Variants in IL12RB2 observed in about 807,000 individuals in gnomAD.
IL12RB2 encodes interleukin-12 receptor subunit beta-2.
A neutral mutation model predicts 89.4 loss-of-function variants in IL12RB2; 82 were observed. That is an observed-to-expected ratio of 0.92 (90% CI 0.77 to 1.10). The LOEUF (loss-of-function observed/expected upper bound fraction) is 1.10, where lower values mean the gene tolerates loss of function less well. Ranked by LOEUF, IL12RB2 falls within the 50% of genes least tolerant of loss-of-function variation. The pLI, the probability that IL12RB2 is intolerant of heterozygous loss-of-function variation, is 0.00. For synonymous variants in IL12RB2, 368 were observed against 370.1 expected (o/e 0.99, Z 0.07); for missense variants, 963 against 1,031.9 (o/e 0.93, Z 0.92).
Position 67,372,459 on chromosome 1 carries a change from T to C in IL12RB2, c.1483T>C (p.Tyr495His). Residue 495 changes from tyrosine to histidine, a missense_variant, in exon 12 of 17, where the codon TAT becomes CAT. Physicochemically the swap from Tyr to His is moderately conservative, Grantham distance 83 (BLOSUM62 2). Coordinates refer to ENST00000674203, the MANE Select transcript of IL12RB2 (RefSeq NM_001374259.2). ...AGAGAACATAAAATCCTACATCTGTTATGAAATCCGTGTGTATGCACTCTC... is the reference window on the plus strand; with the variant it reads ...AGAGAACATAAAATCCTACATCTGTCATGAAATCCGTGTGTATGCACTCTC... ...ISENIKSYIC[Y>H]EIRVYALSGD... 1 of 1,587,850 alleles carries C rather than the reference T, an allele frequency of 6.3e-7. No homozygotes were observed. Among genetic ancestry groups the C allele is most frequent in the Non-Finnish European group, 8.7e-7 (1 of 1,155,956 alleles).
intron 15 of IL12RB2, among the ~76,000 whole-genome samples, chr1:67,388,520 AT>A (rs1665470672): frequency 2.0e-5 from 3 of 151,996 alleles, no homozygotes. Context: ...TACTTTTTGT[AT>A]TTTTGGTAGA....
chr1:67,380,360 C>A (rs1049723225), intron 14 of IL12RB2, among the ~76,000 whole-genome samples: 1 of 152,206 alleles, frequency 6.6e-6, no homozygotes. Flanking sequence ...CTTCAGGAAG[C>A]CTTCCCAAAT....
In IL12RB2 at chr1:67,307,966, T is replaced by C. The variant is rs11209046; in HGVS notation, c.-126T>C. On this transcript the variant is annotated splice_region_variant and 5_prime_UTR_variant, in exon 1 of 17. Coordinates refer to ENST00000674203, the MANE Select transcript of IL12RB2 (RefSeq NM_001374259.2). ...ACCGCGCCCGCTGGCAGGCGACACG[T>C]GGTGAGTGACCAGTGACTCGGGGTC... The C allele has an allele frequency of 0.41, 62,096 of 151,776 alleles. 13,276 individuals carry two copies. The highest frequency in any genetic ancestry group is 0.52 in the African/African-American group (21,534 of 41,396). The allele number at this position is 151,776 out of a possible 1,614,324, so 9.4% of individuals were successfully genotyped here.
chr1:67,391,444 T>C (rs1055324059), intron 16 of IL12RB2, among the ~76,000 whole-genome samples: 1 of 147,688 alleles, frequency 6.8e-6, no homozygotes, highest in Admixed American at 6.8e-5. Context: ...ACTGCTGTTA[T>C]TACTATTTTA....
At chr1:67,358,671 AAGAG>A (rs200534143) in intron 10 of IL12RB2, among the ~76,000 whole-genome samples, 6 of 151,612 alleles carry the variant, frequency 4.0e-5, no homozygotes, top group East Asian at 1.9e-4. Flanking sequence ...GTAAGGATAA[AAGAG>A]AGAGAGAGAG....
At position 67,372,617 on chromosome 1, in the gene IL12RB2, C is replaced by G; in HGVS notation, c.1559-8C>G. On this transcript the variant is annotated splice_region_variant and splice_polypyrimidine_tract_variant and intron_variant, in intron 12 of 16. Coordinates refer to ENST00000674203, the MANE Select transcript of IL12RB2 (RefSeq NM_001374259.2). ...GGTGACAGAAGCCTCCTGTGCCCTA[C>G]TTTACAGCACCACTGAGTGGCCCCC... is the stretch of plus-strand genomic sequence containing the variant. The G allele has an allele frequency of 6.2e-7, 1 of 1,613,502 alleles. No individual in the cohort carries two copies. Among genetic ancestry groups the G allele is most frequent in the Non-Finnish European group, 8.5e-7 (1 of 1,179,466 alleles).
At chr1:67,319,088 G>T (rs1008395725) in intron 2 of IL12RB2, among the ~76,000 whole-genome samples, 6 of 152,224 alleles carry the variant, frequency 3.9e-5, no homozygotes, top group Admixed American at 1.3e-4. Context: ...AGCACTTAGT[G>T]TGCCTAGCAC....
At chr1:67,334,871 G>T (rs12139687) in intron 8 of IL12RB2, among the ~76,000 whole-genome samples, 71,733 of 152,154 alleles carry the variant, frequency 0.47, 19,801 homozygotes, top group Non-Finnish European at 0.6. Flanking sequence ...TGGCCCATGG[G>T]CCGTAGTTTG....
intron 8 of IL12RB2, 49 bp downstream of exon 8, chr1:67,330,859 G>C: frequency 1.0e-6 from 1 of 981,624 alleles, no homozygotes; most frequent in Non-Finnish European, 1.7e-6. Flanking sequence ...AAAGGGGAGA[G>C]AGGGGGGAAG....
intron 11 of IL12RB2, among the ~76,000 whole-genome samples, chr1:67,369,852 T>C (rs987823392): frequency 6.6e-6 from 1 of 151,924 alleles, no homozygotes; most frequent in African/African-American, 2.4e-5. Flanking sequence ...TGAAACCCCA[T>C]CCCTACTAAA....
At chr1:67,341,569 AAGAAAGAAAGAAAGAAAAG>A (rs1463842639) in intron 9 of IL12RB2, among the ~76,000 whole-genome samples, 1 of 142,270 alleles carries the variant, frequency 7.0e-6, no homozygotes, top group African/African-American at 2.6e-5. Flanking sequence ...GAAAGAAAGA[AAGAAAGAAAGAAAGAAAAG>A]AAAGGAAGGA....
intron 8 of IL12RB2, among the ~76,000 whole-genome samples, chr1:67,332,856 C>T (rs1048515049): frequency 1.3e-5 from 2 of 152,204 alleles, no homozygotes; most frequent in Non-Finnish European, 2.9e-5. Flanking sequence ...TTCTTACTCA[C>T]ATATGATAAT....
chr1:67,330,155 G>A (rs1212549744), intron 7 of IL12RB2, among the ~76,000 whole-genome samples: 1 of 151,884 alleles, frequency 6.6e-6, no homozygotes, highest in Non-Finnish European at 1.5e-5. Flanking sequence ...TAAAATAAAA[G>A]GTATAGGATT....
At chr1:67,342,485 A>G (rs1305568717) in intron 9 of IL12RB2, among the ~76,000 whole-genome samples, 1 of 151,898 alleles carries the variant, frequency 6.6e-6, no homozygotes, top group Non-Finnish European at 1.5e-5. Flanking sequence ...GGGTGGGAGT[A>G]TGTGTGTGAG....
chr1:67,389,389 C>T (rs1162649533), intron 15 of IL12RB2, among the ~76,000 whole-genome samples: 4 of 151,264 alleles, frequency 2.6e-5, no homozygotes, highest in Non-Finnish European at 5.9e-5. Context: ...AAAAATGTTT[C>T]ATATTGTTCA....
intron 13 of IL12RB2, among the ~76,000 whole-genome samples, chr1:67,374,401 T>C (rs922808575): frequency 6.6e-6 from 1 of 152,184 alleles, no homozygotes; most frequent in African/African-American, 2.4e-5. Flanking sequence ...CATGTGAAAT[T>C]TGCCCCCCAA....
chr1:67,388,693 A>AT (rs1277535140), intron 15 of IL12RB2, among the ~76,000 whole-genome samples: 2 of 152,152 alleles, frequency 1.3e-5, no homozygotes, highest in East Asian at 3.8e-4. Flanking sequence ...ATTGTAGGTG[A>AT]TTTTAGTTTT....
At chr1:67,382,862 T>C (rs1277549120) in intron 14 of IL12RB2, among the ~76,000 whole-genome samples, 2 of 152,124 alleles carry the variant, frequency 1.3e-5, no homozygotes, top group East Asian at 3.9e-4. Context: ...CCTGCCACCA[T>C]GCCCAGCTAA....
intron 10 of IL12RB2, among the ~76,000 whole-genome samples, chr1:67,365,684 G>A (rs1374463588): frequency 6.6e-6 from 1 of 151,900 alleles, no homozygotes; most frequent in Non-Finnish European, 1.5e-5. Context: ...ATGACATTGG[G>A]AAAAATTGAC....
Sources: gnomAD v4.1 joint callset for allele counts (sites outside exome capture counted in the v4.1 genomes callset) on GRCh38, gnomAD v4.1.1 for gene constraint, MANE v1.5 for transcripts, NCBI Gene and HGNC (gene_info 2026-07-23, HGNC 2026-07-21) for gene names.